RAB27A: variants seen among roughly 807,000 people sequenced by gnomAD.
The protein encoded by RAB27A is ras-related protein Rab-27A.
In RAB27A, 17 loss-of-function variants were observed where a neutral mutation model predicts 20.8. That is an observed-to-expected ratio of 0.82 (90% confidence interval 0.56 to 1.23). The LOEUF (loss-of-function observed/expected upper bound fraction) is 1.23, where lower values mean the gene tolerates loss of function less well. Ranked by LOEUF, RAB27A falls within the 50% of genes most tolerant of loss-of-function variation. The pLI is 0.00. For synonymous variants in RAB27A, 85 were observed against 92.8 expected, an observed-to-expected ratio of 0.92 and a Z score of 0.48; for missense variants, 277 against 266.7, an observed-to-expected ratio of 1.04 and a Z score of -0.27.
intron 2 of RAB27A, among the ~76,000 whole-genome samples, chr15:55,304,466 AT>A (rs936632191): frequency 5.7e-5 from 7 of 123,158 alleles, no homozygotes; most frequent in African/African-American, 1.7e-4. Flanking sequence ...CAATAAAAAA[AT>A]AAATTTAAAA....
intron 6 of RAB27A, among the ~76,000 whole-genome samples, chr15:55,211,236 G>C (rs1436036658): frequency 6.6e-6 from 1 of 152,060 alleles, no homozygotes; most frequent in Non-Finnish European, 1.5e-5. Flanking sequence ...GTCAGTTATT[G>C]AGGGTCTTTT....
At chr15:55,211,818 T>C (rs776396734) in intron 6 of RAB27A, among the ~76,000 whole-genome samples, 1 of 152,174 alleles carries the variant, frequency 6.6e-6, no homozygotes, top group Non-Finnish European at 1.5e-5. Flanking sequence ...CTATGTCTTG[T>C]AAAACAAAAT....
chr15:55,308,551 G>A (rs553278255), intron 2 of RAB27A, among the ~76,000 whole-genome samples: 1 of 152,310 alleles, frequency 6.6e-6, no homozygotes, highest in Non-Finnish European at 1.5e-5. Context: ...ACTTCCATCA[G>A]TATACAAGTT....
At chr15:55,316,527 A>G (rs2141148829) in intron 1 of RAB27A, among the ~76,000 whole-genome samples, 1 of 151,964 alleles carries the variant, frequency 6.6e-6, no homozygotes, top group East Asian at 1.9e-4. Flanking sequence ...AGCAAACACC[A>G]TGGCACATGT....
chr15:55,244,330 C>CAAACA (rs1158077410), intron 2 of RAB27A, among the ~76,000 whole-genome samples: 1 of 151,800 alleles, frequency 6.6e-6, no homozygotes, highest in Non-Finnish European at 1.5e-5. Context: ...AACAAACAAA[C>CAAACA]AAACAAAACA....
chr15:55,301,582 T>G (rs575233004), intron 2 of RAB27A, among the ~76,000 whole-genome samples: 17 of 152,156 alleles, frequency 1.1e-4, no homozygotes, highest in African/African-American at 3.6e-4. Flanking sequence ...TTTTAATATA[T>G]TCACAAAGTT....
chr15:55,262,523 C>A (rs1212701288), intron 2 of RAB27A, among the ~76,000 whole-genome samples: 1 of 132,848 alleles, frequency 7.5e-6, no homozygotes, highest in Non-Finnish European at 1.6e-5. Context: ...GCCTGGGCAA[C>A]AGAGTGAGAC....
chr15:55,316,230 G>A (rs1348894170), intron 1 of RAB27A, among the ~76,000 whole-genome samples: 2 of 133,040 alleles, frequency 1.5e-5, no homozygotes, highest in Admixed American at 8.0e-5. Context: ...GCCAGACTCC[G>A]TCTCAAAAAA....
intron 2 of RAB27A, among the ~76,000 whole-genome samples, chr15:55,253,927 A>T (rs528412676): frequency 6.6e-6 from 1 of 152,330 alleles, no homozygotes; most frequent in African/African-American, 2.4e-5. Flanking sequence ...TGGATAATTG[A>T]TAAGTAATAA....
intron 1 of RAB27A, among the ~76,000 whole-genome samples, chr15:55,282,074 C>T (rs1898030980): frequency 6.6e-6 from 1 of 152,098 alleles, no homozygotes. Flanking sequence ...TTCTGCACTG[C>T]TTTAACATAG....
chr15:55,308,466 G>A (rs1220031160), intron 2 of RAB27A, among the ~76,000 whole-genome samples: 1 of 152,214 alleles, frequency 6.6e-6, no homozygotes, highest in African/African-American at 2.4e-5. Context: ...CCGGAGTGAG[G>A]AGATTACTTT....
chr15:55,227,120 C>T (rs1895837621), intron 5 of RAB27A, among the ~76,000 whole-genome samples: 1 of 151,996 alleles, frequency 6.6e-6, no homozygotes, highest in South Asian at 2.1e-4. Context: ...AATAAGGATT[C>T]TTTTACTCTC....
intron 1 of RAB27A, chr15:55,289,017 C>A (rs1898234877): frequency 6.6e-6 from 1 of 152,190 alleles, no homozygotes; most frequent in Non-Finnish European, 1.5e-5. Flanking sequence ...GGGTAAGGAC[C>A]CTGTGGCAGA....
chr15:55,250,703 G>T (rs562897698), intron 2 of RAB27A, among the ~76,000 whole-genome samples: 1 of 152,306 alleles, frequency 6.6e-6, no homozygotes, highest in Non-Finnish European at 1.5e-5. Flanking sequence ...CTGACTTCTA[G>T]AAGCATGAAA....
intron 2 of RAB27A, among the ~76,000 whole-genome samples, chr15:55,257,864 G>C (rs900273453): frequency 6.6e-6 from 1 of 152,042 alleles, no homozygotes; most frequent in African/African-American, 2.4e-5. Context: ...GTGCAGGTGG[G>C]CACCTATAAT....
intron 2 of RAB27A, among the ~76,000 whole-genome samples, chr15:55,263,264 G>C (rs563466054): frequency 6.6e-6 from 1 of 152,180 alleles, no homozygotes; most frequent in East Asian, 1.9e-4. Flanking sequence ...ATAAATATTT[G>C]AATGGCTAAA....
At chr15:55,230,776 A>T (rs1181016690) in intron 3 of RAB27A, among the ~76,000 whole-genome samples, 1 of 152,176 alleles carries the variant, frequency 6.6e-6, no homozygotes, top group African/African-American at 2.4e-5. Context: ...CTCTTGGGTC[A>T]CTAGTTTCAG....
chr15:55,303,486 G>A (rs1303198276), intron 2 of RAB27A, among the ~76,000 whole-genome samples: 10 of 45,892 alleles, frequency 2.2e-4, no homozygotes, highest in Admixed American at 3.4e-4. Flanking sequence ...GGTGAGGGGC[G>A]CCTCTGCCCG....
At position 55,304,645 on chromosome 15, in the gene RAB27A, G is replaced by A. The variant is rs79143858; in HGVS notation, c.-112+9394C>T. Among the ~76,000 whole-genome samples, 701 of 152,024 alleles carry A rather than the reference G, an allele frequency of 4.6e-3. 3 individuals are homozygous for A. Among genetic ancestry groups the A allele is most frequent in the Non-Finnish European group, 7.6e-3 (518 of 67,988 alleles). On this transcript the variant is annotated intron_variant, in intron 2 of 5. Coordinates refer to the RAB27A transcript ENST00000563262. ...TGCCATCTTGTGCATGGCTTATTTC[G>A]TAATGTATTCTAATTTTTTCCATGT...
Sources: allele counts gnomAD v4.1 joint callset (sites outside exome capture counted in the v4.1 genomes callset), GRCh38; gene constraint gnomAD v4.1.1; transcripts MANE v1.5; gene names NCBI Gene and HGNC (gene_info 2026-07-23, HGNC 2026-07-21).